The following SLC4A4 variants were observed in gnomAD, a reference collection of about 807,000 sequenced individuals.
SLC4A4 encodes solute carrier family 4 member 4.
In SLC4A4, 27 loss-of-function variants were observed where a neutral mutation model predicts 111.5. The ratio of observed to expected loss-of-function variants is 0.24; its 90% CI spans 0.18 to 0.33. The LOEUF is 0.33. Ranked by LOEUF, SLC4A4 falls within the 10% of genes least tolerant of loss-of-function variation. The pLI, the probability that SLC4A4 is intolerant of heterozygous loss-of-function variation, is 1.00. For synonymous variants in SLC4A4, 443 were observed against 463.4 expected (o/e 0.96, Z 0.57); for missense variants, 909 against 1,315.5 (o/e 0.69, Z 4.78).
At chr4:71,370,865 C>T (rs1425819909) in intron 6 of SLC4A4, among the ~76,000 whole-genome samples, 1 of 152,112 alleles carries the variant, frequency 6.6e-6, no homozygotes, top group Non-Finnish European at 1.5e-5. Flanking sequence ...GGAAATATGG[C>T]AGCTATTTGG....
intron 1 of SLC4A4, among the ~76,000 whole-genome samples, chr4:71,085,565 C>T (rs181438913): frequency 1.2e-4 from 19 of 152,142 alleles, no homozygotes; most frequent in African/African-American, 3.6e-4. Flanking sequence ...TTTAATCCAA[C>T]TTGAATTAAT....
intron 5 of SLC4A4, among the ~76,000 whole-genome samples, chr4:71,350,479 G>A (rs1729724569): frequency 6.6e-6 from 1 of 152,068 alleles, no homozygotes; most frequent in Non-Finnish European, 1.5e-5. Flanking sequence ...CTGGGTTCAA[G>A]CGATTCTCCT....
intron 15 of SLC4A4, among the ~76,000 whole-genome samples, chr4:71,493,457 A>C (rs1269204525): frequency 6.6e-6 from 1 of 152,034 alleles, no homozygotes; most frequent in South Asian, 2.1e-4. Flanking sequence ...TGTTCAATCA[A>C]CAATGATTTC....
rs182010302 is a variant in SLC4A4 at position 71,491,066 on chromosome 4, T to C, written c.1974+4048T>C. ...AGGGTATCTAGCTTGCTTTGGTTGT[T>C]AGGATGGGAGTGATGGCCTCTCACA... On this transcript the variant is annotated intron_variant, in intron 15 of 25. Coordinates refer to ENST00000264485, the MANE Select transcript of SLC4A4 (RefSeq NM_001098484.3). Among the ~76,000 whole-genome samples, 2 of 151,958 alleles carry C rather than the reference T, an allele frequency of 1.3e-5. 1 individual carries two copies. Among genetic ancestry groups the C allele is most frequent in the African/African-American group, 4.8e-5 (2 of 41,508 alleles).
intron 6 of SLC4A4, among the ~76,000 whole-genome samples, chr4:71,376,602 T>C (rs1732424142): frequency 6.7e-6 from 1 of 148,364 alleles, no homozygotes; most frequent in Non-Finnish European, 1.5e-5. Flanking sequence ...AATATATATA[T>C]GTTTAAAATA....
At chr4:71,173,742 C>A (rs548139801) in intron 2 of SLC4A4, among the ~76,000 whole-genome samples, 1 of 152,164 alleles carries the variant, frequency 6.6e-6, no homozygotes, top group Admixed American at 6.5e-5. Context: ...CAATCCAACT[C>A]AACTCCAAAC....
upstream of SLC4A4, among the ~76,000 whole-genome samples, chr4:71,182,557 G>T (rs544513055): frequency 3.3e-5 from 5 of 152,298 alleles, no homozygotes; most frequent in East Asian, 5.8e-4. Context: ...GAATCCGCAT[G>T]ACTTGGTCCA....
At chr4:71,095,518 A>G (rs984595298) in intron 2 of SLC4A4, among the ~76,000 whole-genome samples, 13 of 152,236 alleles carry the variant, frequency 8.5e-5, no homozygotes, top group African/African-American at 1.7e-4. Flanking sequence ...TGATCTTTGC[A>G]TCTGCTGCGT....
At chr4:71,425,910 A>G (rs1394645146) in intron 7 of SLC4A4, among the ~76,000 whole-genome samples, 1 of 152,082 alleles carries the variant, frequency 6.6e-6, no homozygotes, top group East Asian at 1.9e-4. Flanking sequence ...TTCTTAGCAG[A>G]CTTAAAAAGG....
At chr4:71,269,672 T>C (rs1368618591) in intron 3 of SLC4A4, among the ~76,000 whole-genome samples, 1 of 152,244 alleles carries the variant, frequency 6.6e-6, no homozygotes, top group Admixed American at 6.5e-5. Context: ...TAATAAAGGC[T>C]GTCATGTCCA....
At chr4:71,533,012 A>C (rs1184027554) in intron 17 of SLC4A4, among the ~76,000 whole-genome samples, 2 of 151,960 alleles carry the variant, frequency 1.3e-5, no homozygotes, top group Non-Finnish European at 2.9e-5. Flanking sequence ...TTCCTAGCTA[A>C]TTTTTCACTA....
intron 3 of SLC4A4, among the ~76,000 whole-genome samples, chr4:71,276,610 GT>G (rs1337627196): frequency 6.7e-6 from 1 of 148,552 alleles, no homozygotes; most frequent in African/African-American, 2.5e-5. Flanking sequence ...CACTAGCATA[GT>G]GCCCTTAGTT....
intron 3 of SLC4A4, among the ~76,000 whole-genome samples, chr4:71,270,760 T>C (rs1225281268): frequency 6.6e-6 from 1 of 152,204 alleles, no homozygotes; most frequent in Non-Finnish European, 1.5e-5. Flanking sequence ...GGTTCCCACA[T>C]TATAAGCCCC....
intron 2 of SLC4A4, among the ~76,000 whole-genome samples, chr4:71,109,102 T>C (rs149574073): frequency 2.6e-5 from 4 of 152,310 alleles, no homozygotes; most frequent in African/African-American, 9.6e-5. Context: ...TAATGTGATG[T>C]CTCTGAAAAT....
chr4:71,311,214 A>G (rs938186723), intron 3 of SLC4A4, among the ~76,000 whole-genome samples: 3 of 152,182 alleles, frequency 2.0e-5, no homozygotes, highest in African/African-American at 7.2e-5. Flanking sequence ...GAGACTTACA[A>G]AGAGACTTAG....
chr4:71,330,588 A>T (rs904900538), intron 3 of SLC4A4, among the ~76,000 whole-genome samples: 1 of 152,222 alleles, frequency 6.6e-6, no homozygotes, highest in African/African-American at 2.4e-5. Flanking sequence ...TTAATTCAAG[A>T]TGGATTAAAA....
chr4:71,488,780 C>T (rs920295216), intron 15 of SLC4A4, among the ~76,000 whole-genome samples: 11 of 151,544 alleles, frequency 7.3e-5, no homozygotes, highest in African/African-American at 2.7e-4. Context: ...CCTATAGATG[C>T]CCCATATTCC....
intron 1 of SLC4A4, among the ~76,000 whole-genome samples, chr4:71,206,703 G>T (rs1488734634): frequency 3.3e-5 from 5 of 151,916 alleles, no homozygotes; most frequent in African/African-American, 1.2e-4. Context: ...GAGGGCCTGG[G>T]GCTGAATATA....
At chr4:71,485,248 A>C (rs911149819) in intron 14 of SLC4A4, among the ~76,000 whole-genome samples, 1 of 151,750 alleles carries the variant, frequency 6.6e-6, no homozygotes, top group Admixed American at 6.6e-5. Flanking sequence ...TTGCCCATTC[A>C]ATATGATGTT....
Sources: allele counts gnomAD v4.1 joint callset (sites outside exome capture counted in the v4.1 genomes callset), GRCh38; gene constraint gnomAD v4.1.1; transcripts MANE v1.5; gene names NCBI Gene and HGNC (gene_info 2026-07-23, HGNC 2026-07-21).